Variants in MB21D2 observed in about 807,000 individuals in gnomAD.
The protein encoded by MB21D2 is Mab-21 domain containing 2.
In MB21D2, 9 loss-of-function variants were observed where a neutral mutation model predicts 33.3. The observed-to-expected ratio is 0.27, with a 90% confidence interval of 0.16 to 0.47. The LOEUF is 0.47. MB21D2 is among the 20% of genes least tolerant of loss of function. MB21D2 has a pLI of 0.99. For synonymous variants in MB21D2, 241 were observed against 236.3 expected, an observed-to-expected ratio of 1.02 and a Z score of -0.18; for missense variants, 540 against 624.6, an observed-to-expected ratio of 0.86 and a Z score of 1.44.
intron 1 of MB21D2, among the ~76,000 whole-genome samples, chr3:192,896,198 A>T (rs1052609560): frequency 6.6e-6 from 1 of 152,234 alleles, no homozygotes. Flanking sequence ...ACATTCTTTT[A>T]TCCCTGTTAC....
intron 1 of MB21D2, among the ~76,000 whole-genome samples, chr3:192,802,420 T>C (rs1428972417): frequency 6.6e-6 from 1 of 152,152 alleles, no homozygotes; most frequent in African/African-American, 2.4e-5. Context: ...CTACACTAAA[T>C]ACTATCCAAG....
intron 1 of MB21D2, among the ~76,000 whole-genome samples, chr3:192,868,933 T>C (rs1713227377): frequency 6.6e-6 from 1 of 152,188 alleles, no homozygotes; most frequent in Admixed American, 6.5e-5. Flanking sequence ...TAACCGGAAC[T>C]ATGTCCATGA....
At chr3:192,908,866 C>T (rs1033888764) in intron 1 of MB21D2, among the ~76,000 whole-genome samples, 1 of 152,080 alleles carries the variant, frequency 6.6e-6, no homozygotes, top group African/African-American at 2.4e-5. Context: ...TGGATCCTCT[C>T]GACAGACTGT....
intron 1 of MB21D2, among the ~76,000 whole-genome samples, chr3:192,817,147 T>A: frequency 6.6e-6 from 1 of 152,224 alleles, no homozygotes; most frequent in Non-Finnish European, 1.5e-5. Flanking sequence ...TTTCTTTTAA[T>A]TTTAGTTTTT....
intron 1 of MB21D2, among the ~76,000 whole-genome samples, chr3:192,885,187 T>C (rs182529577): frequency 1.3e-5 from 2 of 152,220 alleles, no homozygotes; most frequent in African/African-American, 4.8e-5. Context: ...ATTTAATTAC[T>C]AACAATAAAA....
At position 192,838,368 on chromosome 3, in the gene MB21D2, C is replaced by T. The variant is rs546772536; in HGVS notation, c.212-38718G>A. Among the ~76,000 whole-genome samples, 18 of 152,196 alleles carry T rather than the reference C, an allele frequency of 1.2e-4. No homozygotes were observed. The South Asian group carries it at 3.7e-3, about 32-fold the overall frequency. ...CATGCATTAGAAGCAAGTCACTAGG[C>T]CCAACCCACCTTCAAGAGAAAAATG... is the stretch of plus-strand genomic sequence containing the variant. On this transcript the variant is annotated intron_variant, in intron 1 of 1. Coordinates refer to ENST00000392452, the MANE Select transcript of MB21D2 (RefSeq NM_178496.4).
intron 1 of MB21D2, among the ~76,000 whole-genome samples, chr3:192,830,674 GAT>G (rs748954182): frequency 9.2e-5 from 14 of 152,330 alleles, no homozygotes; most frequent in Non-Finnish European, 1.8e-4. Flanking sequence ...CAACCCTAGA[GAT>G]AGTGCTATTG....
chr3:192,883,356 TTATC>T (rs1416843018), intron 1 of MB21D2, among the ~76,000 whole-genome samples: 1 of 152,172 alleles, frequency 6.6e-6, no homozygotes, highest in Non-Finnish European at 1.5e-5. Context: ...TTTTTAAAAA[TTATC>T]TATTGACAAG....
intron 1 of MB21D2, among the ~76,000 whole-genome samples, chr3:192,860,354 T>A (rs1713014896): frequency 6.6e-6 from 1 of 152,224 alleles, no homozygotes; most frequent in Non-Finnish European, 1.5e-5. Flanking sequence ...AATGTGGGCA[T>A]TATTTTATTT....
intron 1 of MB21D2, among the ~76,000 whole-genome samples, chr3:192,818,422 C>T (rs1404839297): frequency 6.8e-6 from 1 of 147,684 alleles, no homozygotes; most frequent in South Asian, 2.1e-4. Flanking sequence ...ATATTTTGTA[C>T]AATCAAGAAC....
At chr3:192,827,223 A>G (rs1388097126) in intron 1 of MB21D2, among the ~76,000 whole-genome samples, 1 of 152,120 alleles carries the variant, frequency 6.6e-6, no homozygotes, top group African/African-American at 2.4e-5. Flanking sequence ...GGCAAAAAGT[A>G]TAAAAGAAAG....
chr3:192,811,206 T>C (rs1386007641), intron 1 of MB21D2, among the ~76,000 whole-genome samples: 2 of 152,248 alleles, frequency 1.3e-5, no homozygotes, highest in African/African-American at 4.8e-5. Flanking sequence ...CTATACAACC[T>C]CTCAGATGAA....
chr3:192,801,018 T>A (rs181211445), intron 1 of MB21D2, among the ~76,000 whole-genome samples: 1 of 152,358 alleles, frequency 6.6e-6, no homozygotes, highest in African/African-American at 2.4e-5. Context: ...TGTGATTTTT[T>A]AAGAGATTGT....
intron 1 of MB21D2, among the ~76,000 whole-genome samples, chr3:192,906,342 A>C (rs1270751887): frequency 6.6e-6 from 1 of 152,130 alleles, no homozygotes; most frequent in Admixed American, 6.5e-5. Context: ...TACCCACAAA[A>C]AGCAGCTCAC....
chr3:192,917,221 TCGGGAAAGCGGAGGTCCCTGCCTC>T (rs1714486916), intron 1 of MB21D2, among the ~76,000 whole-genome samples: 1 of 152,046 alleles, frequency 6.6e-6, no homozygotes, highest in Non-Finnish European at 1.5e-5. Context: ...AGAGCCGGCG[TCGGGAAAGCGGAGGTCCCTGCCTC>T]CGGCAGCCAA....
chr3:192,857,186 C>T (rs1331082793), intron 1 of MB21D2, among the ~76,000 whole-genome samples: 1 of 152,118 alleles, frequency 6.6e-6, no homozygotes, highest in African/African-American at 2.4e-5. Flanking sequence ...ACAGGCCCTG[C>T]AAAATAATTG....
At chr3:192,862,656 C>T (rs1196977426) in intron 1 of MB21D2, among the ~76,000 whole-genome samples, 4 of 152,140 alleles carry the variant, frequency 2.6e-5, no homozygotes, top group Non-Finnish European at 5.9e-5. Flanking sequence ...TTGTAGGGTG[C>T]TCACACTGAA....
At chr3:192,916,144 T>C (rs1170857491) in intron 1 of MB21D2, among the ~76,000 whole-genome samples, 1 of 148,748 alleles carries the variant, frequency 6.7e-6, no homozygotes, top group African/African-American at 2.6e-5. Flanking sequence ...TTCATCTACA[T>C]AGTTGAACGG....
rs368446286 is a variant in MB21D2, at chr3:192,890,295, G to A, written c.211+27335C>T. ...TATTTGCACTGATCACAGATGCCAG[G>A]AGAAATTCCCAACATAAATAAAAAG... On this transcript the variant is annotated intron_variant, in intron 1 of 1. Transcript: ENST00000392452. Among the ~76,000 whole-genome samples the A allele has an allele frequency of 9.5e-4, 144 of 152,128 alleles. 3 individuals are homozygous for A. In the South Asian group the frequency reaches 0.017, roughly 18 times the overall value.
Sources: gnomAD v4.1 joint callset for allele counts (sites outside exome capture counted in the v4.1 genomes callset) on GRCh38, gnomAD v4.1.1 for gene constraint, MANE v1.5 for transcripts, NCBI Gene and HGNC (gene_info 2026-07-23, HGNC 2026-07-21) for gene names.